NDUFAF2: variants seen among roughly 807,000 people sequenced by gnomAD.
The protein encoded by NDUFAF2 is NADH dehydrogenase [ubiquinone] 1 alpha subcomplex assembly factor 2.
Under a neutral mutation model 22.8 loss-of-function variants are expected in NDUFAF2, and 13 were observed. The observed-to-expected ratio is 0.57, with a 90% CI of 0.37 to 0.91. The LOEUF is 0.91. Among genes scored for constraint, NDUFAF2 ranks in the 40% least tolerant of loss-of-function variants. The probability of loss-of-function intolerance (pLI) is 0.01; values close to 1 mark genes in which losing one functional copy is unlikely to be tolerated. For missense variants in NDUFAF2, 162 were observed against 195.2 expected (o/e 0.83, Z 1.01); for synonymous variants, 53 against 64.2 (o/e 0.83, Z 0.84).
At chr5:60,965,521 A>T (rs1750748151) in intron 1 of NDUFAF2, among the ~76,000 whole-genome samples, 1 of 151,780 alleles carries the variant, frequency 6.6e-6, no homozygotes, top group African/African-American at 2.4e-5. Context: ...GCGTCTCCCC[A>T]TTTCCCCACC....
intron 3 of NDUFAF2, among the ~76,000 whole-genome samples, chr5:61,130,511 T>TG (rs1287592544): frequency 6.6e-6 from 1 of 152,144 alleles, no homozygotes. Flanking sequence ...CTGACTCACT[T>TG]GCCATATTGC....
chr5:61,062,985 G>A (rs1439059129), intron 1 of NDUFAF2, among the ~76,000 whole-genome samples: 1 of 152,096 alleles, frequency 6.6e-6, no homozygotes, highest in East Asian at 1.9e-4. Context: ...AGGAGAAACA[G>A]TCTTTCACAG....
chr5:60,963,428 A>T (rs1750716754), intron 1 of NDUFAF2, among the ~76,000 whole-genome samples: 1 of 152,132 alleles, frequency 6.6e-6, no homozygotes, highest in Non-Finnish European at 1.5e-5. Context: ...CAACCTACTG[A>T]CTTCATCTCT....
At chr5:61,052,265 T>C (rs935371518) in intron 1 of NDUFAF2, among the ~76,000 whole-genome samples, 1 of 152,166 alleles carries the variant, frequency 6.6e-6, no homozygotes, top group African/African-American at 2.4e-5. Context: ...TGGGTCTGTG[T>C]TGTTAATCTT....
intron 1 of NDUFAF2, among the ~76,000 whole-genome samples, chr5:60,996,959 A>C (rs1319913158): frequency 1.3e-5 from 2 of 152,160 alleles, no homozygotes; most frequent in African/African-American, 4.8e-5. Context: ...TTTGGTTCTC[A>C]TGAAGGTATC....
intron 2 of NDUFAF2, among the ~76,000 whole-genome samples, chr5:61,086,339 A>T (rs1050699748): frequency 4.6e-5 from 7 of 152,186 alleles, no homozygotes; most frequent in Non-Finnish European, 1.0e-4. Context: ...GTATTAAAAT[A>T]CAGAGAACCT....
intron 3 of NDUFAF2, among the ~76,000 whole-genome samples, chr5:61,138,738 CT>C (rs1191658714): frequency 2.0e-5 from 3 of 152,116 alleles, no homozygotes; most frequent in Admixed American, 6.5e-5. Flanking sequence ...AGCAGGATAC[CT>C]GTATGCAAAG....
At chr5:61,039,152 A>AG (rs1751839617) in intron 1 of NDUFAF2, among the ~76,000 whole-genome samples, 1 of 151,874 alleles carries the variant, frequency 6.6e-6, no homozygotes, top group Non-Finnish European at 1.5e-5. Context: ...CCAAAAAAAA[A>AG]AAAAAAAAAG....
At chr5:61,090,073 A>C (rs1178241535) in intron 2 of NDUFAF2, among the ~76,000 whole-genome samples, 2 of 152,042 alleles carry the variant, frequency 1.3e-5, no homozygotes, top group African/African-American at 4.8e-5. Context: ...GTGTGTCTTC[A>C]TAGACTCTAG....
At position 61,074,270 on chromosome 5, in the gene NDUFAF2, G is replaced by T. The variant is rs530963105; in HGVS notation, c.217+1056G>T. ...AGTTCAAGACCAGCCTGGCTAACATGGTGAAACCCCGTTTCTACTGAAAAT... is the reference window on the plus strand; with the variant it reads ...AGTTCAAGACCAGCCTGGCTAACATTGTGAAACCCCGTTTCTACTGAAAAT... On this transcript the variant is annotated intron_variant, in intron 2 of 3. Coordinates refer to ENST00000296597, the MANE Select transcript of NDUFAF2 (RefSeq NM_174889.5). 9.9e-5 allele frequency among the ~76,000 whole-genome samples: 15 copies of T among 152,190 alleles called. No individual in the cohort carries two copies. The South Asian group carries it at 3.1e-3, about 32-fold the overall frequency.
chr5:60,982,054 A>G (rs1168995980), intron 1 of NDUFAF2, among the ~76,000 whole-genome samples: 1 of 152,214 alleles, frequency 6.6e-6, no homozygotes, highest in African/African-American at 2.4e-5. Context: ...AAATTTCCCC[A>G]CAAGCACAAA....
At chr5:61,078,477 A>C (rs1228751940) in intron 2 of NDUFAF2, among the ~76,000 whole-genome samples, 1 of 152,158 alleles carries the variant, frequency 6.6e-6, no homozygotes, top group Non-Finnish European at 1.5e-5. Context: ...GCACTGGCTC[A>C]CACCTGTAAT....
intron 1 of NDUFAF2, among the ~76,000 whole-genome samples, chr5:61,021,745 C>A (rs1751586425): frequency 6.6e-6 from 1 of 152,178 alleles, no homozygotes; most frequent in South Asian, 2.1e-4. Flanking sequence ...ATACCATGCT[C>A]ATTTGTACTT....
intron 1 of NDUFAF2, among the ~76,000 whole-genome samples, chr5:61,059,285 G>A (rs1230274013): frequency 6.6e-6 from 1 of 152,016 alleles, no homozygotes; most frequent in Non-Finnish European, 1.5e-5. Flanking sequence ...TGCTCTCATG[G>A]AACCTTTAAA....
chr5:60,979,479 G>A (rs534707052), intron 1 of NDUFAF2, among the ~76,000 whole-genome samples: 51 of 152,146 alleles, frequency 3.4e-4, no homozygotes, highest in Admixed American at 7.2e-4. Context: ...GCATAAGCTG[G>A]CCGAAAAGCC....
At chr5:60,961,520 G>A (rs573406486) in intron 1 of NDUFAF2, among the ~76,000 whole-genome samples, 2 of 151,062 alleles carry the variant, frequency 1.3e-5, no homozygotes, top group Admixed American at 6.6e-5. Flanking sequence ...GCGTGAACAC[G>A]GGAGGCGGAA....
At chr5:61,063,790 A>G (rs1247440570) in intron 1 of NDUFAF2, among the ~76,000 whole-genome samples, 1 of 152,172 alleles carries the variant, frequency 6.6e-6, no homozygotes, top group African/African-American at 2.4e-5. Flanking sequence ...GAAAATTGTG[A>G]AATCATAAAG....
chr5:60,954,797 G>A (rs1750594664), intron 1 of NDUFAF2, among the ~76,000 whole-genome samples: 1 of 151,420 alleles, frequency 6.6e-6, no homozygotes, highest in Admixed American at 6.6e-5. Context: ...TAAGGTGATA[G>A]CTTATTGTGG....
intron 1 of NDUFAF2, among the ~76,000 whole-genome samples, chr5:60,964,393 AT>A (rs907820744): frequency 1.3e-5 from 2 of 150,784 alleles, no homozygotes; most frequent in South Asian, 2.1e-4. Flanking sequence ...TTACCTCATA[AT>A]TTTTTTTTGT....
Sources: gnomAD v4.1 joint callset for allele counts (sites outside exome capture counted in the v4.1 genomes callset) on GRCh38, gnomAD v4.1.1 for gene constraint, MANE v1.5 for transcripts, NCBI Gene and HGNC (gene_info 2026-07-23, HGNC 2026-07-21) for gene names.